Variants in MACROD2 observed in about 807,000 individuals in gnomAD.
The protein encoded by MACROD2 is ADP-ribose glycohydrolase MACROD2.
Under a neutral mutation model 70.4 loss-of-function variants are expected in MACROD2, and 36 were observed. The observed-to-expected ratio is 0.51, with a 90% confidence interval of 0.39 to 0.68. The LOEUF is 0.68. Among genes scored for constraint, MACROD2 ranks in the 30% least tolerant of loss-of-function variants. The probability of loss-of-function intolerance (pLI) is 0.00; values close to 1 mark genes in which losing one functional copy is unlikely to be tolerated. For missense variants in MACROD2, 496 were observed against 538.4 expected (o/e 0.92, Z 0.78); for synonymous variants, 172 against 178.8 (o/e 0.96, Z 0.30).
At chr20:14,863,255 T>C (rs1335468339) in intron 5 of MACROD2, among the ~76,000 whole-genome samples, 1 of 152,096 alleles carries the variant, frequency 6.6e-6, no homozygotes, top group Non-Finnish European at 1.5e-5. Context: ...ATCTGTGGGC[T>C]CATTGCACAG....
chr20:14,467,606 T>G (rs377676867), intron 3 of MACROD2, among the ~76,000 whole-genome samples: 1 of 152,054 alleles, frequency 6.6e-6, no homozygotes, highest in East Asian at 1.9e-4. Flanking sequence ...AAATCACCTG[T>G]CTTCTGTGTC....
At chr20:15,108,447 T>G (rs2123213927) in intron 5 of MACROD2, among the ~76,000 whole-genome samples, 1 of 152,308 alleles carries the variant, frequency 6.6e-6, no homozygotes, top group Admixed American at 6.5e-5. Context: ...TGTGGATTAT[T>G]TAAGCACATG....
chr20:14,241,389 AT>A (rs1301870294), intron 3 of MACROD2, among the ~76,000 whole-genome samples: 3 of 152,134 alleles, frequency 2.0e-5, no homozygotes, highest in Non-Finnish European at 2.9e-5. Context: ...TTGGTGTGTG[AT>A]TTTTTTTATC....
At chr20:15,428,462 A>G (rs447155) in intron 6 of MACROD2, among the ~76,000 whole-genome samples, 30,002 of 152,152 alleles carry the variant, frequency 0.2, 3,248 homozygotes, top group African/African-American at 0.25. Flanking sequence ...AAAGCAGGAG[A>G]TAAAATTTCC....
chr20:15,436,786 A>C (rs1043760638), intron 7 of MACROD2, among the ~76,000 whole-genome samples: 5 of 152,276 alleles, frequency 3.3e-5, no homozygotes, highest in African/African-American at 1.2e-4. Flanking sequence ...CTGAAAAGAA[A>C]AATTTTACAA....
At chr20:14,780,363 G>C (rs1402839198) in intron 5 of MACROD2, among the ~76,000 whole-genome samples, 1 of 152,018 alleles carries the variant, frequency 6.6e-6, no homozygotes, top group East Asian at 1.9e-4. Flanking sequence ...AGGGGTTCGA[G>C]AGCAGCCTGA....
At chr20:14,581,230 A>G (rs1416845855) in intron 4 of MACROD2, among the ~76,000 whole-genome samples, 1 of 152,214 alleles carries the variant, frequency 6.6e-6, no homozygotes, top group Admixed American at 6.5e-5. Flanking sequence ...GCTTAAGCCA[A>G]TGTGTCTCAA....
chr20:14,904,706 T>C (rs1384017575), intron 5 of MACROD2, among the ~76,000 whole-genome samples: 1 of 152,202 alleles, frequency 6.6e-6, no homozygotes, highest in Admixed American at 6.5e-5. Context: ...AGTTATTTCA[T>C]GTATACAATA....
At chr20:14,132,063 G>T (rs909415700) in intron 3 of MACROD2, among the ~76,000 whole-genome samples, 3 of 150,688 alleles carry the variant, frequency 2.0e-5, no homozygotes, top group Non-Finnish European at 4.4e-5. Context: ...CCCGGGAGGC[G>T]GAGCTTGCAG....
At chr20:14,098,491 A>C (rs1041222253) in intron 3 of MACROD2, among the ~76,000 whole-genome samples, 4 of 152,208 alleles carry the variant, frequency 2.6e-5, no homozygotes, top group African/African-American at 4.8e-5. Context: ...AAGATTGTAT[A>C]GATAACCATT....
chr20:15,286,120 T>G (rs1050532226), intron 6 of MACROD2, among the ~76,000 whole-genome samples: 1 of 152,050 alleles, frequency 6.6e-6, no homozygotes, highest in Non-Finnish European at 1.5e-5. Flanking sequence ...GGGAAACAGA[T>G]GGAGGCAAGA....
intron 5 of MACROD2, chr20:15,196,755 T>C (rs2145921757): frequency 2.5e-6 from 1 of 401,928 alleles, no homozygotes; most frequent in Non-Finnish European, 3.4e-6. Context: ...AGGTACAATA[T>C]GTACTTGAAA....
chr20:15,806,821 CCT>C (rs1376454465), intron 8 of MACROD2, among the ~76,000 whole-genome samples: 1 of 152,060 alleles, frequency 6.6e-6, no homozygotes, highest in East Asian at 1.9e-4. Flanking sequence ...AACTCTATGA[CCT>C]TAATTCGGCC....
At chr20:15,021,089 C>CGTGT (rs1555774621) in intron 5 of MACROD2, among the ~76,000 whole-genome samples, 1 of 127,502 alleles carries the variant, frequency 7.8e-6, no homozygotes, top group Non-Finnish European at 1.7e-5. Flanking sequence ...TGTGTATACA[C>CGTGT]GTGTATGTGT....
At chr20:15,475,530 A>G (rs1263749734) in intron 7 of MACROD2, among the ~76,000 whole-genome samples, 1 of 152,224 alleles carries the variant, frequency 6.6e-6, no homozygotes, top group East Asian at 1.9e-4. Flanking sequence ...TGGAGGGTGA[A>G]AACAGAACTA....
At chr20:15,791,352 C>T (rs566634707) in intron 8 of MACROD2, among the ~76,000 whole-genome samples, 1 of 151,784 alleles carries the variant, frequency 6.6e-6, no homozygotes, top group South Asian at 2.1e-4. Flanking sequence ...AGCTGATATA[C>T]ACTGGTTGAC....
chr20:15,773,791 G>C (rs1376365344), intron 8 of MACROD2, among the ~76,000 whole-genome samples: 4 of 152,150 alleles, frequency 2.6e-5, no homozygotes, highest in Admixed American at 6.5e-5. Context: ...GTGAGTAGAT[G>C]TTATGAACAG....
intron 5 of MACROD2, among the ~76,000 whole-genome samples, chr20:14,705,699 T>A (rs1383551508): frequency 6.6e-6 from 1 of 152,212 alleles, no homozygotes; most frequent in Non-Finnish European, 1.5e-5. Flanking sequence ...GAAGTAGAAG[T>A]TATAATTTCT....
chr20:15,186,949 A>G (rs1427813404), intron 5 of MACROD2, among the ~76,000 whole-genome samples: 5 of 152,250 alleles, frequency 3.3e-5, no homozygotes, highest in African/African-American at 1.2e-4. Flanking sequence ...TTTTTAAAAT[A>G]TCTATGCCTA....
Sources: allele counts gnomAD v4.1 joint callset (sites outside exome capture counted in the v4.1 genomes callset), GRCh38; gene constraint gnomAD v4.1.1; transcripts MANE v1.5; gene names NCBI Gene and HGNC (gene_info 2026-07-23, HGNC 2026-07-21).